Variants in HAUS6 observed in about 807,000 individuals in gnomAD.
HAUS6 encodes HAUS augmin-like complex subunit 6.
Under a neutral mutation model 106.8 loss-of-function variants are expected in HAUS6, and 80 were observed. The observed-to-expected ratio is 0.75, with a 90% CI of 0.63 to 0.90. The LOEUF (loss-of-function observed/expected upper bound fraction) is 0.90, where lower values mean the gene tolerates loss of function less well. HAUS6 is among the 40% of genes least tolerant of loss of function. HAUS6 has a pLI of 0.00. For synonymous variants in HAUS6, 356 were observed against 379.1 expected (o/e 0.94, Z 0.71); for missense variants, 1,155 against 1,118.1 (o/e 1.03, Z -0.47).
At chr9:19,062,571 A>G (rs1836649691) in intron 14 of HAUS6, among the ~76,000 whole-genome samples, 1 of 152,186 alleles carries the variant, frequency 6.6e-6, no homozygotes, top group Non-Finnish European at 1.5e-5. Context: ...AATTTTTATT[A>G]TCTGTAGCCT....
At chr9:19,088,685 T>C (rs1268274045) in intron 5 of HAUS6, among the ~76,000 whole-genome samples, 3 of 144,864 alleles carry the variant, frequency 2.1e-5, no homozygotes, top group African/African-American at 7.7e-5. Flanking sequence ...ATGGTCAACA[T>C]GGCAAAACCC....
chr9:19,067,882 C>T (rs751863305), intron 12 of HAUS6, among the ~76,000 whole-genome samples: 6 of 151,818 alleles, frequency 4.0e-5, no homozygotes, highest in Non-Finnish European at 5.9e-5. Context: ...TAAGTAGAGA[C>T]GGGGTTTCAC....
chr9:19,065,467 T>C (rs1441426281), intron 12 of HAUS6, among the ~76,000 whole-genome samples: 1 of 152,160 alleles, frequency 6.6e-6, no homozygotes, highest in Non-Finnish European at 1.5e-5. Flanking sequence ...AAAGCTATTA[T>C]CAATGAAAAT....
At chr9:19,094,795 C>A (rs971630764) in intron 2 of HAUS6, among the ~76,000 whole-genome samples, 1 of 151,736 alleles carries the variant, frequency 6.6e-6, no homozygotes, top group Admixed American at 6.6e-5. Context: ...GAAAAAAAAA[C>A]CATTAAAGTG....
Position 19,060,066 on chromosome 9 carries a change from A to T in HAUS6, c.1765+22T>A, listed in dbSNP as rs779577795. The T allele has an allele frequency of 3.8e-6, 6 of 1,587,226 alleles. No individual in the cohort carries two copies. In the South Asian group the frequency reaches 6.8e-5, roughly 18 times the overall value. ...GTTATGTCGATGAAAGAAAAAAGTA[A>T]CAGAAAGCATTATTAACTTACTCAA... On this transcript the variant is annotated intron_variant, in intron 15 of 16. Transcript: ENST00000380502.
At chr9:19,059,697 A>C (rs1836566204) in intron 15 of HAUS6, among the ~76,000 whole-genome samples, 1 of 152,238 alleles carries the variant, frequency 6.6e-6, no homozygotes, top group African/African-American at 2.4e-5. Flanking sequence ...AGACCTCCGC[A>C]CACATGGTTT....
Position 19,056,080 on chromosome 9 carries a change from G to A in HAUS6, c.*263C>T, listed in dbSNP as rs1271249466. The A allele has an allele frequency of 7.9e-6, 3 of 379,678 alleles. No homozygotes were observed. In the Admixed American group the frequency reaches 1.2e-4, roughly 16 times the overall value. The allele number at this position is 379,678 out of a possible 1,614,324, so 23.5% of individuals were successfully genotyped here. On this transcript the variant is annotated 3_prime_UTR_variant, in exon 17 of 17. Transcript: ENST00000380502. ...ACTTAATGCTTACAAGATTACTCAAGAAATCAAAATGGCTTCCCATTGCTT... is the reference window on the plus strand; with the variant it reads ...ACTTAATGCTTACAAGATTACTCAAAAAATCAAAATGGCTTCCCATTGCTT...
chr9:19,098,929 G>A (rs1470042937), intron 1 of HAUS6, among the ~76,000 whole-genome samples: 1 of 148,920 alleles, frequency 6.7e-6, no homozygotes, highest in East Asian at 2.0e-4. Flanking sequence ...GGCTGAGGCA[G>A]GAGAATCGCT....
chr9:19,057,983 A>G lies in HAUS6; in HGVS notation c.2784T>C (p.Leu928=). The change falls in exon 16 of 17, where the codon CTT becomes CTC. Residue 928 remains leucine, a synonymous_variant. Transcript: ENST00000380502. ...TACCCTTTAAATTAGGTAGTTCTCCAAGACTACATGCTATTGTGGTTCTCA... is the reference window on the plus strand; with the variant it reads ...TACCCTTTAAATTAGGTAGTTCTCCGAGACTACATGCTATTGTGGTTCTCA... The part of the protein sequence containing the change: ...QRLRTTIACS[L]GELPNLKEED... The G allele has an allele frequency of 6.2e-7, 1 of 1,606,408 alleles. No individual in the cohort carries two copies. The highest frequency in any genetic ancestry group is 8.5e-7 in the Non-Finnish European group (1 of 1,174,016).
chr9:19,074,501 GGCTTA>G (rs1452358072), intron 11 of HAUS6, among the ~76,000 whole-genome samples: 2 of 151,958 alleles, frequency 1.3e-5, no homozygotes, highest in African/African-American at 4.8e-5. Context: ...CGAACTCCTG[GGCTTA>G]AGCAATCTTC....
chr9:19,060,731 C>A (rs1336150673), intron 14 of HAUS6, among the ~76,000 whole-genome samples: 1 of 152,180 alleles, frequency 6.6e-6, no homozygotes, highest in African/African-American at 2.4e-5. Flanking sequence ...TACGTACATT[C>A]TAAAACTAAA....
At chr9:19,084,135 T>A (rs1837229284) in intron 7 of HAUS6, among the ~76,000 whole-genome samples, 1 of 147,686 alleles carries the variant, frequency 6.8e-6, no homozygotes, top group Admixed American at 6.8e-5. Context: ...CCATCCAGAG[T>A]AAAAAGGGTA....
chr9:19,078,996 AAAT>A (rs1837074628), intron 9 of HAUS6, among the ~76,000 whole-genome samples: 1 of 150,296 alleles, frequency 6.7e-6, no homozygotes, highest in African/African-American at 2.4e-5. Context: ...CTCTACTGAA[AAAT>A]AATAATAATA....
chr9:19,059,412 A>G (rs1490329076), intron 15 of HAUS6, among the ~76,000 whole-genome samples: 1 of 152,240 alleles, frequency 6.6e-6, no homozygotes, highest in Non-Finnish European at 1.5e-5. Context: ...GTAGCCATAA[A>G]CAATGTCAAC....
intron 7 of HAUS6, among the ~76,000 whole-genome samples, chr9:19,084,278 T>C (rs1370973430): frequency 6.6e-6 from 1 of 152,224 alleles, no homozygotes; most frequent in Non-Finnish European, 1.5e-5. Flanking sequence ...ATATATTCTA[T>C]ATACTGGCAT....
chr9:19,071,204 T>C (rs1051995538), intron 11 of HAUS6, among the ~76,000 whole-genome samples: 1 of 152,114 alleles, frequency 6.6e-6, no homozygotes, highest in African/African-American at 2.4e-5. Context: ...GACTACTAAA[T>C]ACTAGACAGA....
At chr9:19,094,082 A>C (rs1471663680) in intron 3 of HAUS6, among the ~76,000 whole-genome samples, 3 of 152,250 alleles carry the variant, frequency 2.0e-5, no homozygotes, top group Non-Finnish European at 1.5e-5. Context: ...ACTGTGCTAT[A>C]AACGCTCAGG....
chr9:19,083,090 A>C, intron 7 of HAUS6, 47 bp from the exon 8 acceptor site: 2 of 1,168,826 alleles, frequency 1.7e-6, no homozygotes, highest in Non-Finnish European at 1.2e-6. Flanking sequence ...TAATCTGTAC[A>C]TATTTTAAAA....
At chr9:19,099,163 T>A (rs1240774289) in intron 1 of HAUS6, among the ~76,000 whole-genome samples, 5 of 146,828 alleles carry the variant, frequency 3.4e-5, no homozygotes, top group Non-Finnish European at 7.4e-5. Context: ...TTTTGTTTGT[T>A]TTTTTGTGTT....
Sources: gnomAD v4.1 joint callset for allele counts (sites outside exome capture counted in the v4.1 genomes callset) on GRCh38, gnomAD v4.1.1 for gene constraint, MANE v1.5 for transcripts, NCBI Gene and HGNC (gene_info 2026-07-23, HGNC 2026-07-21) for gene names.